The following CYTH4 variants were observed in gnomAD, a reference collection of about 807,000 sequenced individuals.
CYTH4 encodes the protein cytohesin-4.
In CYTH4, 22 loss-of-function variants were observed where a neutral mutation model predicts 57.5. The ratio of observed to expected loss-of-function variants is 0.38; its 90% CI spans 0.27 to 0.55. The LOEUF is 0.55. Among genes scored for constraint, CYTH4 ranks in the 20% least tolerant of loss-of-function variants. CYTH4 has a pLI of 0.74. For synonymous variants in CYTH4, 186 were observed against 206.5 expected (o/e 0.90, Z 0.85); for missense variants, 420 against 535.6 (o/e 0.78, Z 2.13).
chr22:37,291,989 G>A (rs1928760560), intron 1 of CYTH4, among the ~76,000 whole-genome samples: 1 of 152,120 alleles, frequency 6.6e-6, no homozygotes, highest in Non-Finnish European at 1.5e-5. Flanking sequence ...GTATCCAGGG[G>A]CAGGGACTAT....
chr22:37,287,263 C>T (rs1163726732), intron 1 of CYTH4, among the ~76,000 whole-genome samples: 3 of 152,026 alleles, frequency 2.0e-5, no homozygotes, highest in Non-Finnish European at 4.4e-5. Context: ...CCATGGGGAC[C>T]AGGAAGGTCG....
intron 8 of CYTH4, among the ~76,000 whole-genome samples, chr22:37,305,384 A>T (rs1929357297): frequency 6.6e-6 from 1 of 152,180 alleles, no homozygotes; most frequent in African/African-American, 2.4e-5. Flanking sequence ...AGAGGCAGAC[A>T]CAGACTAAGG....
chr22:37,285,937 G>A (rs370971729), intron 1 of CYTH4, among the ~76,000 whole-genome samples: 9 of 152,224 alleles, frequency 5.9e-5, no homozygotes, highest in African/African-American at 2.2e-4. Context: ...CGTCAGAAGG[G>A]GACAGGGGAC....
At chr22:37,301,811 C>A (rs1929195173) in intron 7 of CYTH4, 1 of 151,528 alleles carries the variant, frequency 6.6e-6, no homozygotes, top group African/African-American at 2.4e-5. Flanking sequence ...AATTCTCCTG[C>A]CTCAGCCTCC....
chr22:37,297,851 C>G (rs2145861639), intron 5 of CYTH4, 169 bp downstream of exon 5: 1 of 576,778 alleles, frequency 1.7e-6, no homozygotes, highest in Non-Finnish European at 3.1e-6. Context: ...GCCTGACTGC[C>G]TTCATTCATT....
rs1412153331 is a variant in CYTH4 at position 37,292,622 on chromosome 22, G to T, written c.21G>T (p.Glu7Asp). The T allele has an allele frequency of 1.9e-6, 3 of 1,613,628 alleles. No homozygotes were observed. In the Admixed American group the frequency reaches 5.0e-5, roughly 27 times the overall value. Residue 7 changes from glutamate (E) to aspartate (D), a missense_variant and splice_region_variant, in exon 2 of 13, where the codon GAG becomes GAT. Coordinates refer to ENST00000248901, the MANE Select transcript of CYTH4 (RefSeq NM_013385.5). ...GGAAGGCCGGTTGTCTCTCTGTAGA[G>T]CCCGCGGAGCTGAGCAGCGGGGAGA... MDLCHP[E>D]PAELSSGETE...
At position 37,308,389 on chromosome 22, in the gene CYTH4, T is replaced by G. The variant is rs552002887; in HGVS notation, c.697-823T>G. 6.6e-5 allele frequency among the ~76,000 whole-genome samples: 10 copies of G among 150,920 alleles called. No homozygotes were observed. The East Asian group carries it at 1.8e-3, about 27-fold the overall frequency. Reference sequence around the variant, plus strand: ...TGTATATATGTGTGCATGTATATTGTCAGTGTGCATGCATGTATAAGAGTG... The same window carrying G: ...TGTATATATGTGTGCATGTATATTGGCAGTGTGCATGCATGTATAAGAGTG... On this transcript the variant is annotated intron_variant, in intron 8 of 12. Transcript: ENST00000248901.
chr22:37,307,330 GC>G (rs1309535597), intron 8 of CYTH4, among the ~76,000 whole-genome samples: 1 of 152,172 alleles, frequency 6.6e-6, no homozygotes, highest in Admixed American at 6.5e-5. Context: ...ACCCCCGTCT[GC>G]CCCCCTGCAC....
intron 1 of CYTH4, among the ~76,000 whole-genome samples, chr22:37,285,762 G>A (rs952249766): frequency 1.3e-5 from 2 of 152,082 alleles, no homozygotes; most frequent in Non-Finnish European, 2.9e-5. Context: ...CTACACCGGT[G>A]CCTGAAACTC....
chr22:37,295,731 C>G lies in CYTH4; in HGVS notation c.168-268C>G, dbSNP rs1928936806. The stretch of plus-strand genomic sequence containing the variant: ...CCCCGGTTTCTTGCACAGGGCCCCT[C>G]CACCTTCTCCCACACGGCAGCTCCG... On this transcript the variant is annotated intron_variant, in intron 3 of 12. Coordinates refer to ENST00000248901, the MANE Select transcript of CYTH4 (RefSeq NM_013385.5). This position sits in a 1 kb window ranked among gnomAD's most constrained non-coding sequence, Gnocchi z 4.1. Among the ~76,000 whole-genome samples, 1 of 152,252 alleles carries G rather than the reference C, an allele frequency of 6.6e-6. No individual in the cohort carries two copies. The highest frequency in any genetic ancestry group is 1.5e-5 in the Non-Finnish European group (1 of 68,046).
chr22:37,311,813 G>A lies in CYTH4; in HGVS notation c.958-207G>A, dbSNP rs1929653445. ...ATTCAGAACCTCAGTGAGCCCACAT[G>A]TCACGTGGGGACTTTAGGGAGGATG... On this transcript the variant is annotated intron_variant, in intron 11 of 12. Coordinates refer to ENST00000248901, the MANE Select transcript of CYTH4 (RefSeq NM_013385.5). This position sits in a 1 kb window ranked among gnomAD's most constrained non-coding sequence, Gnocchi z 4.4. The A allele has an allele frequency of 1.4e-6, 1 of 713,312 alleles. No homozygotes were observed. The highest frequency in any genetic ancestry group is 1.8e-5 in the African/African-American group (1 of 55,774). The allele number at this position is 713,312 out of a possible 1,614,324, so 44.2% of individuals were successfully genotyped here.
chr22:37,301,954 C>T (rs1427484686), intron 7 of CYTH4: 3 of 169,020 alleles, frequency 1.8e-5, no homozygotes, highest in Non-Finnish European at 4.4e-5. Context: ...CCGCCTCGAC[C>T]TCCCACAGTG....
rs1478655421 is a variant in CYTH4 at position 37,314,243 on chromosome 22, T to C, written c.*732T>C. On this transcript the variant is annotated 3_prime_UTR_variant, in exon 13 of 13. Transcript: ENST00000248901. ...CTGTGCTCCAGCTTCCAGCTGGAGA[T>C]GGCAGCCGTTGTTTGCGGAGCCCAG... is the stretch of plus-strand genomic sequence containing the variant. 6 of 397,988 alleles carry C rather than the reference T, an allele frequency of 1.5e-5. No individual in the cohort carries two copies. Among genetic ancestry groups the C allele is most frequent in the Non-Finnish European group, 2.2e-5 (5 of 225,820 alleles). The allele number at this position is 397,988 out of a possible 1,614,324, so 24.7% of individuals were successfully genotyped here.
chr22:37,311,626 C>T lies in CYTH4; in HGVS notation c.957+99C>T. 2 of 1,229,386 alleles carry T rather than the reference C, an allele frequency of 1.6e-6. No homozygotes were observed. The highest frequency in any genetic ancestry group is 2.4e-6 in the Non-Finnish European group (2 of 844,304). The allele number at this position is 1,229,386 out of a possible 1,614,324, so 76.2% of individuals were successfully genotyped here. ...CCTGAGGCTGGGCTCTCCAGGAAGCCAGGCTGTGCCCCTTACACCTTCCCT... is the reference window on the plus strand; with the variant it reads ...CCTGAGGCTGGGCTCTCCAGGAAGCTAGGCTGTGCCCCTTACACCTTCCCT... On this transcript the variant is annotated intron_variant, in intron 11 of 12. Transcript: ENST00000248901. This position sits in a 1 kb window ranked among gnomAD's most constrained non-coding sequence, Gnocchi z 4.4.
At chr22:37,308,709 CAT>C (rs1491356592) in intron 8 of CYTH4, among the ~76,000 whole-genome samples, 3 of 141,766 alleles carry the variant, frequency 2.1e-5, no homozygotes, top group Non-Finnish European at 4.6e-5. Flanking sequence ...TGTGAGCATG[CAT>C]GTGTGTGTGC....
At chr22:37,285,626 A>G (rs1196777461) in intron 1 of CYTH4, among the ~76,000 whole-genome samples, 2 of 151,968 alleles carry the variant, frequency 1.3e-5, no homozygotes, top group Non-Finnish European at 2.9e-5. Flanking sequence ...CAGGAGAATC[A>G]CTTGAACCTG....
chr22:37,294,849 G>A (rs1037414320), intron 3 of CYTH4, 125 bp downstream of exon 3: 34 of 1,182,218 alleles, frequency 2.9e-5, no homozygotes, highest in Admixed American at 1.3e-4. Context: ...ATTGGCCAGG[G>A]AGAAGGAGGC....
intron 8 of CYTH4, among the ~76,000 whole-genome samples, chr22:37,306,984 G>A (rs1185661608): frequency 6.6e-6 from 1 of 152,228 alleles, no homozygotes; most frequent in Non-Finnish European, 1.5e-5. Context: ...GGGACCTGTG[G>A]GTGTCAACCC....
chr22:37,290,936 G>C lies in CYTH4; in HGVS notation c.20-1685G>C, dbSNP rs5756598. ...GAGCCATCAGCAGGCTTTCCTCCCA[G>C]CAGCTGGGGGGATGGTGCCTTGGTC... On this transcript the variant is annotated intron_variant, in intron 1 of 12. Transcript: ENST00000248901. 3.3e-5 allele frequency among the ~76,000 whole-genome samples: 5 copies of C among 152,356 alleles called. No individual in the cohort carries two copies. The East Asian group carries it at 9.6e-4, about 29-fold the overall frequency.
Sources: gnomAD v4.1 joint callset for allele counts (sites outside exome capture counted in the v4.1 genomes callset) on GRCh38, gnomAD v4.1.1 for gene constraint, Gnocchi (gnomAD v3.1) non-coding constraint, MANE v1.5 for transcripts, NCBI Gene and HGNC (gene_info 2026-07-23, HGNC 2026-07-21) for gene names.